The following GSS variants were observed in gnomAD, a reference collection of about 807,000 sequenced individuals.
The protein encoded by GSS is GSH synthetase.
In GSS, 34 loss-of-function variants were observed where a neutral mutation model predicts 60.4. The observed-to-expected ratio is 0.56, with a 90% CI of 0.43 to 0.75. GSS has a LOEUF of 0.75. Among genes scored for constraint, GSS ranks in the 30% least tolerant of loss-of-function variants. The pLI, the probability that GSS is intolerant of heterozygous loss-of-function variation, is 0.00. For synonymous variants in GSS, 224 were observed against 239.0 expected, an observed-to-expected ratio of 0.94 and a Z score of 0.58; for missense variants, 499 against 595.1, an observed-to-expected ratio of 0.84 and a Z score of 1.68.
intron 9 of GSS, among the ~76,000 whole-genome samples, chr20:34,934,386 C>G (rs1457120792): frequency 6.6e-6 from 1 of 151,336 alleles, no homozygotes; most frequent in African/African-American, 2.4e-5. Flanking sequence ...AAGCAATTCT[C>G]CTGCCTCAGC....
At chr20:34,949,974 GTAAAGATTT>G (rs2081553473) in intron 2 of GSS, 1 of 114,488 alleles carries the variant, frequency 8.7e-6, no homozygotes, top group Non-Finnish European at 2.0e-5. Flanking sequence ...CAGGCATTTG[GTAAAGATTT>G]GGAGTAAAAT....
chr20:34,947,949 CTT>C (rs11429240), intron 2 of GSS, among the ~76,000 whole-genome samples: 28 of 135,942 alleles, frequency 2.1e-4, no homozygotes, highest in African/African-American at 1.9e-4. Context: ...TTCTCAGCAT[CTT>C]TTTTTTTTTT....
Position 34,941,719 on chromosome 20 carries a change from G to T in GSS, c.602C>A (p.Ser201Ter). 6.4e-7 allele frequency: 1 copy of T among 1,568,438 alleles called. No homozygotes were observed. Among genetic ancestry groups the T allele is most frequent in the Non-Finnish European group, 8.8e-7 (1 of 1,139,198 alleles). ...TACCTTTTCACACCCTTACTTGGGT[G>T]AGCCGTAGAGCTCCCAGGCTTTGGC... is the stretch of plus-strand genomic sequence containing the variant. ...GIAKAWELYG[S>*]PNALVLLIAQ... The change falls in exon 6 of 13, where the codon TCA becomes TAA. Residue 201 changes from serine to a stop codon, truncating the protein, a stop_gained. Transcript: ENST00000651619. LOFTEE classifies it high-confidence loss of function.
intron 6 of GSS, among the ~76,000 whole-genome samples, chr20:34,937,859 A>C (rs1490203376): frequency 6.6e-6 from 1 of 151,764 alleles, no homozygotes. Context: ...TTTACATTTT[A>C]TTTTATTTAT....
chr20:34,938,946 A>C (rs2081462195), intron 6 of GSS, among the ~76,000 whole-genome samples: 3 of 152,186 alleles, frequency 2.0e-5, no homozygotes, highest in Non-Finnish European at 4.4e-5. Flanking sequence ...CATCTATAAA[A>C]TAAGAGTGTT....
upstream of GSS, chr20:34,955,867 TACC>T (rs2081626177): frequency 6.6e-6 from 1 of 152,244 alleles, no homozygotes; most frequent in African/African-American, 2.4e-5. Flanking sequence ...CAGAGACCCA[TACC>T]TTTGGCGCTG....
At chr20:34,942,787 G>A (rs2081494454) in intron 4 of GSS, 144 bp downstream of exon 4, 1 of 953,548 alleles carries the variant, frequency 1.0e-6, no homozygotes, top group Admixed American at 2.0e-5. Context: ...CCTAGAATTG[G>A]TCACTGGGAT....
At chr20:34,953,993 T>C (rs542670729) in intron 1 of GSS, among the ~76,000 whole-genome samples, 4 of 152,200 alleles carry the variant, frequency 2.6e-5, no homozygotes, top group Non-Finnish European at 2.9e-5. Flanking sequence ...GCTCTATACA[T>C]GAGACCATTT....
In GSS at chr20:34,928,924, C is replaced by T. The variant is rs200851199; in HGVS notation, c.1329G>A (p.Lys443=). Residue 443 remains lysine (K), a synonymous_variant, in exon 13 of 13, where the codon AAG becomes AAA. Transcript: ENST00000651619. ...VRQEKTLVMN[K]HVGHLLRTKA... The stretch of plus-strand genomic sequence containing the variant: ...TGGTTCGAAGTAGATGCCCCACGTG[C>T]TTGTTCATCACGAGTGTCTTTTCCT... 4.3e-6 allele frequency: 7 copies of T among 1,613,664 alleles called. No individual in the cohort carries two copies. In the East Asian group the frequency reaches 1.3e-4, roughly 31 times the overall value.
chr20:34,951,232 A>G (rs2081566034), intron 2 of GSS, among the ~76,000 whole-genome samples: 1 of 152,252 alleles, frequency 6.6e-6, no homozygotes, highest in Admixed American at 6.5e-5. Flanking sequence ...AACCAAAAAC[A>G]TATCATAGAA....
chr20:34,948,508 G>C (rs569130205), intron 2 of GSS, among the ~76,000 whole-genome samples: 1 of 152,120 alleles, frequency 6.6e-6, no homozygotes, highest in Non-Finnish European at 1.5e-5. Context: ...ATTACTGGCC[G>C]GGCACGGTGG....
intron 10 of GSS, chr20:34,931,621 T>A: frequency 1.5e-6 from 1 of 657,146 alleles, no homozygotes; most frequent in East Asian, 2.7e-5. Flanking sequence ...AGGCCTTTCT[T>A]TAGCAACAGC....
chr20:34,930,397 C>A (rs2081391757), intron 11 of GSS, among the ~76,000 whole-genome samples: 1 of 152,206 alleles, frequency 6.6e-6, no homozygotes, highest in African/African-American at 2.4e-5. Flanking sequence ...CCTGCCCCTC[C>A]TGGACCTTCC....
At chr20:34,937,847 CT>C (rs2081451964) in intron 6 of GSS, among the ~76,000 whole-genome samples, 1 of 151,974 alleles carries the variant, frequency 6.6e-6, no homozygotes, top group Non-Finnish European at 1.5e-5. Flanking sequence ...CATTTTTTTT[CT>C]TTTACATTTT....
intron 2 of GSS, among the ~76,000 whole-genome samples, chr20:34,950,514 C>T (rs2081560548): frequency 6.6e-6 from 1 of 151,460 alleles, no homozygotes; most frequent in Admixed American, 6.6e-5. Context: ...CCTGTAATCC[C>T]AGCAATTTTG....
intron 9 of GSS, among the ~76,000 whole-genome samples, chr20:34,933,023 A>G (rs965668429): frequency 6.6e-6 from 1 of 151,730 alleles, no homozygotes; most frequent in Admixed American, 6.6e-5. Context: ...TTTTTGTATT[A>G]TTTGTAGAGA....
chr20:34,931,456 G>A, intron 10 of GSS, 39 bp from the exon 11 acceptor site: 1 of 1,529,990 alleles, frequency 6.5e-7, no homozygotes, highest in Non-Finnish European at 9.1e-7. Flanking sequence ...AAGTTTAAAG[G>A]CTAAAGAGGC....
In GSS at chr20:34,951,825, G is replaced by A. The variant is rs1196944622; in HGVS notation, c.28C>T (p.Gln10Ter). MATNWGSLL[Q>*]DKQQLEELAR... ...AGCTCCTCTAGCTGCTGTTTATCCT[G>A]CAAGAGGCTCCCCCAGTTGGTGGCC... Residue 10 changes from glutamine (Q) to a stop codon, truncating the protein, a stop_gained, in exon 2 of 13, where the codon CAG (glutamine) becomes TAG (stop). Coordinates refer to ENST00000651619, the MANE Select transcript of GSS (RefSeq NM_000178.4). LOFTEE classifies it high-confidence loss of function. The A allele has an allele frequency of 1.5e-5, 25 of 1,614,158 alleles. No individual in the cohort carries two copies. Among genetic ancestry groups the A allele is most frequent in the Non-Finnish European group, 1.9e-5 (23 of 1,180,022 alleles).
intron 3 of GSS, among the ~76,000 whole-genome samples, chr20:34,943,489 C>T (rs1052402202): frequency 6.6e-6 from 1 of 152,184 alleles, no homozygotes; most frequent in Non-Finnish European, 1.5e-5. Context: ...CCTTCTCCTC[C>T]TCCTCCACAG....
Sources: allele counts gnomAD v4.1 joint callset (sites outside exome capture counted in the v4.1 genomes callset), GRCh38; gene constraint gnomAD v4.1.1; transcripts MANE v1.5; gene names NCBI Gene and HGNC (gene_info 2026-07-23, HGNC 2026-07-21).